DLD: variants seen among roughly 807,000 people sequenced by gnomAD.
The protein encoded by DLD is dihydrolipoyl dehydrogenase, mitochondrial.
DLD carries 36 observed loss-of-function variants against 62.2 expected under a neutral mutation model. The ratio of observed to expected loss-of-function variants is 0.58; its 90% CI spans 0.44 to 0.76. The LOEUF (loss-of-function observed/expected upper bound fraction) is 0.76, where lower values mean the gene tolerates loss of function less well. DLD is among the 30% of genes least tolerant of loss of function. DLD has a pLI of 0.00. For synonymous variants in DLD, 204 were observed against 199.6 expected (o/e 1.02, Z -0.19); for missense variants, 541 against 608.6 (o/e 0.89, Z 1.17).
intron 8 of DLD, among the ~76,000 whole-genome samples, chr7:107,907,486 G>T (rs2032035919): frequency 6.6e-6 from 1 of 152,138 alleles, no homozygotes; most frequent in Non-Finnish European, 1.5e-5. Context: ...AGAGAAATCA[G>T]ATGAGAACTC....
intron 3 of DLD, 117 bp from the exon 4 acceptor site, chr7:107,902,208 G>T: frequency 1.1e-6 from 1 of 914,410 alleles, no homozygotes; most frequent in South Asian, 1.4e-5. Flanking sequence ...ATTTTAGTCT[G>T]TGAAAACATA....
chr7:107,896,804 C>T (rs549832351), intron 2 of DLD, among the ~76,000 whole-genome samples: 36 of 151,368 alleles, frequency 2.4e-4, no homozygotes, highest in African/African-American at 8.2e-4. Context: ...TTTTCCTGTT[C>T]GTTTTTTCTT....
rs116196745 is a variant in DLD, at chr7:107,895,048, C to T, written c.118+1770C>T. 1.1e-3 allele frequency among the ~76,000 whole-genome samples: 171 copies of T among 152,310 alleles called. 1 individual carries two copies. Among genetic ancestry groups the T allele is most frequent in the African/African-American group, 3.5e-3 (146 of 41,562 alleles). On this transcript the variant is annotated intron_variant, in intron 2 of 13. Coordinates refer to ENST00000205402, the MANE Select transcript of DLD (RefSeq NM_000108.5). Reference sequence around the variant, plus strand: ...TTTTAATTACTGCTCTGTGGCAAAGCATCCAGTATGGTGTCTTGTACAAAG... The same window carrying T: ...TTTTAATTACTGCTCTGTGGCAAAGTATCCAGTATGGTGTCTTGTACAAAG...
Position 107,892,486 on chromosome 7 carries a change from TATC to T in DLD, c.40-711_40-709del, listed in dbSNP as rs200016312. Among the ~76,000 whole-genome samples, 282 of 152,302 alleles carry T rather than the reference TATC, an allele frequency of 1.9e-3. 1 individual carries two copies. The highest frequency in any genetic ancestry group is 0.014 in the Admixed American group (217 of 15,302). On this transcript the variant is annotated intron_variant, in intron 1 of 13. Transcript: ENST00000205402. Reference sequence around the variant, plus strand: ...AAACAAAAATTACAGGTAAAAAGATTATCATGTATAGATTATTCAAGTATTTAA... The same window carrying T: ...AAACAAAAATTACAGGTAAAAAGATTATGTATAGATTATTCAAGTATTTAA...
At chr7:107,908,394 A>G (rs967944724) in intron 8 of DLD, among the ~76,000 whole-genome samples, 13 of 151,944 alleles carry the variant, frequency 8.6e-5, no homozygotes, top group Non-Finnish European at 1.6e-4. Context: ...TGTGATGCGC[A>G]TGATGGTTCA....
At chr7:107,897,889 T>C (rs1055911931) in intron 2 of DLD, among the ~76,000 whole-genome samples, 3 of 152,178 alleles carry the variant, frequency 2.0e-5, no homozygotes, top group Non-Finnish European at 4.4e-5. Flanking sequence ...CTTGTAATTA[T>C]ATTGATGATT....
intron 2 of DLD, among the ~76,000 whole-genome samples, chr7:107,896,511 C>T (rs1179580074): frequency 2.0e-5 from 3 of 152,174 alleles, no homozygotes; most frequent in Admixed American, 1.3e-4. Context: ...GTCTGTTTTA[C>T]TTCAGATCAT....
At chr7:107,914,859 A>G (rs1173191170) in intron 8 of DLD, among the ~76,000 whole-genome samples, 1 of 152,258 alleles carries the variant, frequency 6.6e-6, no homozygotes, top group Non-Finnish European at 1.5e-5. Flanking sequence ...AGTTTAAATT[A>G]TAATTTGAAT....
At chr7:107,898,964 C>G (rs2031807864) in intron 2 of DLD, among the ~76,000 whole-genome samples, 1 of 152,142 alleles carries the variant, frequency 6.6e-6, no homozygotes, top group Non-Finnish European at 1.5e-5. Flanking sequence ...TATCAGCTTT[C>G]ATTTATATGC....
At chr7:107,891,343 T>C in intron 1 of DLD, 54 bp downstream of exon 1, 2 of 1,603,654 alleles carry the variant, frequency 1.2e-6, no homozygotes, top group South Asian at 2.2e-5. Context: ...AAGGTCCCGC[T>C]CAGTGGGTCC....
chr7:107,899,794 G>T (rs958981144), intron 2 of DLD, among the ~76,000 whole-genome samples: 1 of 148,526 alleles, frequency 6.7e-6, no homozygotes, highest in Non-Finnish European at 1.5e-5. Flanking sequence ...TGGATGGGTT[G>T]TTTTTTTTTT....
chr7:107,908,681 AC>A lies in DLD; in HGVS notation c.684+2317del, dbSNP rs201916083. 9.5e-3 allele frequency among the ~76,000 whole-genome samples: 1,413 copies of A among 148,086 alleles called. 15 individuals carry two copies. The highest frequency in any genetic ancestry group is 0.031 in the African/African-American group (1,273 of 40,576). On this transcript the variant is annotated intron_variant, in intron 8 of 13. Coordinates refer to ENST00000205402, the MANE Select transcript of DLD (RefSeq NM_000108.5). ...GACCCTGTCTCAAAAAAAAAAAAAA[AC>A]CCCAAAACAAAAATCAGCTTTTAAG...
intron 2 of DLD, 75 bp from the exon 3 acceptor site, chr7:107,901,663 T>C: frequency 8.2e-7 from 1 of 1,220,220 alleles, no homozygotes; most frequent in Non-Finnish European, 1.2e-6. Flanking sequence ...GGGTTATTTG[T>C]TTGCTCTTCC....
At chr7:107,903,327 G>C in intron 4 of DLD, 151 bp from the exon 5 acceptor site, 1 of 539,972 alleles carries the variant, frequency 1.9e-6, no homozygotes, top group Non-Finnish European at 3.4e-6. Context: ...GCGGTGAGCT[G>C]AGATGGCGCC....
Position 107,900,346 on chromosome 7 carries a change from C to A in DLD, c.119-1392C>A, listed in dbSNP as rs145716685. ...GGGTGATGCAAATTAAAATAGTCTT[C>A]TTTGTAGGTCAGAATATAGCTACTA... On this transcript the variant is annotated intron_variant, in intron 2 of 13. Coordinates refer to ENST00000205402, the MANE Select transcript of DLD (RefSeq NM_000108.5). Among the ~76,000 whole-genome samples, 271 of 152,136 alleles carry A rather than the reference C, an allele frequency of 1.8e-3. 2 individuals are homozygous for A. The highest frequency in any genetic ancestry group is 9.7e-4 in the East Asian group (5 of 5,170).
intron 10 of DLD, 31 bp downstream of exon 10, chr7:107,916,995 A>C: frequency 4.4e-6 from 7 of 1,604,726 alleles, no homozygotes; most frequent in Non-Finnish European, 6.0e-6. Context: ...CATTTTCAGT[A>C]ATTTTAAAAT....
intron 1 of DLD, among the ~76,000 whole-genome samples, chr7:107,892,782 A>G (rs2031620773): frequency 6.6e-6 from 1 of 152,150 alleles, no homozygotes; most frequent in South Asian, 2.1e-4. Flanking sequence ...TCCTGACCTC[A>G]GGTGATCCGC....
rs2108222 is a variant in DLD, at chr7:107,903,763, C to G, written c.337+216C>G. The G allele has an allele frequency of 0.62, 254,741 of 410,430 alleles. 80,958 individuals carry two copies. Among genetic ancestry groups the G allele is most frequent in the East Asian group, 0.86 (17,716 of 20,566 alleles). 25.4% of individuals were successfully genotyped at this position (410,430 alleles called of 1,614,324 possible). A position where few individuals can be genotyped will look rare whatever the true frequency, so the allele number is the denominator to read the frequency against. ...ATAACCAAGCCTAACCCTGCAAATC[C>G]AGATTTCTACCATTATATCTTCTGT... On this transcript the variant is annotated intron_variant, in intron 5 of 13. Transcript: ENST00000205402.
Position 107,918,202 on chromosome 7 carries a change from A to G in DLD, c.1374+141A>G. On this transcript the variant is annotated intron_variant, in intron 12 of 13. Transcript: ENST00000205402. ...ATATGGCTCTCTGTGCATCATTTCT[A>G]GAAGGATACCAGCAGCACTCTCACA... 2.2e-6 allele frequency: 2 copies of G among 897,172 alleles called. 1 individual carries two copies. The highest frequency in any genetic ancestry group is 2.9e-5 in the South Asian group (2 of 69,112). The allele number at this position is 897,172 out of a possible 1,614,324, so 55.6% of individuals were successfully genotyped here.
Sources: gnomAD v4.1 joint callset for allele counts (sites outside exome capture counted in the v4.1 genomes callset) on GRCh38, gnomAD v4.1.1 for gene constraint, MANE v1.5 for transcripts, NCBI Gene and HGNC (gene_info 2026-07-23, HGNC 2026-07-21) for gene names.